The following HGSNAT variants were observed in gnomAD, a reference collection of about 807,000 sequenced individuals.
The protein encoded by HGSNAT is heparan-alpha-glucosaminide N-acetyltransferase.
Under a neutral mutation model 85.2 loss-of-function variants are expected in HGSNAT, and 59 were observed. The ratio of observed to expected loss-of-function variants is 0.69; its 90% CI spans 0.56 to 0.86. The LOEUF (loss-of-function observed/expected upper bound fraction) is 0.86, where lower values mean the gene tolerates loss of function less well. Ranked by LOEUF, HGSNAT falls within the 40% of genes least tolerant of loss-of-function variation. HGSNAT has a pLI of 0.00. For missense variants in HGSNAT, 756 were observed against 777.1 expected (o/e 0.97, Z 0.32); for synonymous variants, 321 against 304.5 (o/e 1.05, Z -0.56).
intron 13 of HGSNAT, among the ~76,000 whole-genome samples, 155 bp downstream of exon 13, chr8:43,192,585 G>A (rs934174543): frequency 6.6e-6 from 1 of 152,102 alleles, no homozygotes; most frequent in African/African-American, 2.4e-5. Context: ...ATGACTTTAG[G>A]GATCACTGTA....
intron 2 of HGSNAT, among the ~76,000 whole-genome samples, chr8:43,150,668 C>T (rs1362341085): frequency 6.6e-6 from 1 of 151,860 alleles, no homozygotes; most frequent in Admixed American, 6.6e-5. Flanking sequence ...CCTGTCTCTA[C>T]TAAAAAATAC....
intron 13 of HGSNAT, 150 bp from the exon 14 acceptor site, chr8:43,193,607 T>A: frequency 1.7e-6 from 1 of 576,802 alleles, no homozygotes; most frequent in Middle Eastern, 2.8e-4. Context: ...TTCTGCCTGT[T>A]ATCCCTATAA....
chr8:43,162,759 G>A (rs990431990), intron 5 of HGSNAT, among the ~76,000 whole-genome samples: 1 of 151,388 alleles, frequency 6.6e-6, no homozygotes, highest in Non-Finnish European at 1.5e-5. Flanking sequence ...TAGTGGAGAC[G>A]GGGTCTTGAT....
intron 2 of HGSNAT, among the ~76,000 whole-genome samples, chr8:43,155,774 T>G (rs751674886): frequency 1.1e-4 from 17 of 152,218 alleles, no homozygotes; most frequent in Non-Finnish European, 1.9e-4. Context: ...TTCATTCTTC[T>G]ACATGTAAAT....
chr8:43,151,381 G>A (rs1333742614), intron 2 of HGSNAT, among the ~76,000 whole-genome samples: 1 of 152,180 alleles, frequency 6.6e-6, no homozygotes, highest in Non-Finnish European at 1.5e-5. Flanking sequence ...GGAACCTGCC[G>A]CTGAGCTCCT....
intron 11 of HGSNAT, among the ~76,000 whole-genome samples, chr8:43,183,967 A>G (rs1804221474): frequency 6.6e-6 from 1 of 152,116 alleles, no homozygotes; most frequent in African/African-American, 2.4e-5. Flanking sequence ...ACATGAATTC[A>G]TCCTTTTTTA....
At chr8:43,167,460 A>C (rs1447774437) in intron 5 of HGSNAT, among the ~76,000 whole-genome samples, 1 of 152,198 alleles carries the variant, frequency 6.6e-6, no homozygotes, top group East Asian at 1.9e-4. Context: ...AAAAGATTAG[A>C]ACTTGCTGAA....
At chr8:43,183,040 C>T (rs911346620) in intron 11 of HGSNAT, among the ~76,000 whole-genome samples, 3 of 152,104 alleles carry the variant, frequency 2.0e-5, no homozygotes, top group African/African-American at 7.2e-5. Flanking sequence ...TATTTTGATA[C>T]CTGTGTATCA....
intron 13 of HGSNAT, among the ~76,000 whole-genome samples, chr8:43,192,769 A>G (rs1440817027): frequency 6.6e-6 from 1 of 152,114 alleles, no homozygotes; most frequent in African/African-American, 2.4e-5. Context: ...AGGAAAAAAA[A>G]AACAAAAAAC....
Position 43,147,000 on chromosome 8 carries a change from C to T in HGSNAT, c.171C>T (p.Leu57=), listed in dbSNP as rs1479549394. 1.2e-6 allele frequency: 2 copies of T among 1,609,988 alleles called. No homozygotes were observed. Among genetic ancestry groups the T allele is most frequent in the Non-Finnish European group, 1.7e-6 (2 of 1,178,752 alleles). The change falls in exon 2 of 18, where the codon CTC becomes CTT. Residue 57 remains leucine, a synonymous_variant. Coordinates refer to ENST00000379644, the MANE Select transcript of HGSNAT (RefSeq NM_152419.3). ...TGAAGATGGATCAGGCTTTGCTACT[C>T]ATCCATAATGAACTTCTCTGGACCA... ...AELKMDQALL[L]IHNELLWTNL...
chr8:43,149,060 G>A (rs1214669206), intron 2 of HGSNAT, among the ~76,000 whole-genome samples: 1 of 151,902 alleles, frequency 6.6e-6, no homozygotes, highest in East Asian at 1.9e-4. Flanking sequence ...AGGTGGCAGT[G>A]AGCTGAGATC....
At chr8:43,144,488 C>T (rs188145646) in intron 1 of HGSNAT, among the ~76,000 whole-genome samples, 149 of 152,142 alleles carry the variant, frequency 9.8e-4, no homozygotes, top group Non-Finnish European at 1.9e-3. Flanking sequence ...GATTTCCCAA[C>T]GGTTTCATGA....
chr8:43,177,992 T>C, intron 9 of HGSNAT, 82 bp from the exon 10 acceptor site: 1 of 1,110,838 alleles, frequency 9.0e-7, no homozygotes, highest in South Asian at 1.3e-5. Flanking sequence ...TGCTTCTCTT[T>C]TATAGCATAT....
chr8:43,147,570 A>G (rs1802757597), intron 2 of HGSNAT, among the ~76,000 whole-genome samples: 1 of 152,210 alleles, frequency 6.6e-6, no homozygotes, highest in South Asian at 2.1e-4. Context: ...ATGCAACCAT[A>G]AAAAAAGAAT....
chr8:43,183,040 C>A (rs911346620), intron 11 of HGSNAT, among the ~76,000 whole-genome samples: 1 of 152,104 alleles, frequency 6.6e-6, no homozygotes. Flanking sequence ...TATTTTGATA[C>A]CTGTGTATCA....
At chr8:43,146,622 A>T (rs920926617) in intron 1 of HGSNAT, among the ~76,000 whole-genome samples, 1 of 152,186 alleles carries the variant, frequency 6.6e-6, no homozygotes, top group African/African-American at 2.4e-5. Context: ...ACATCTTAGC[A>T]CTCGATGAAT....
chr8:43,179,645 A>G (rs868388765), intron 10 of HGSNAT, among the ~76,000 whole-genome samples: 227 of 9,088 alleles, frequency 0.025, 1 homozygote, highest in Admixed American at 0.039. Context: ...GGACGGGGCG[A>G]CTGGCCAGGC....
At chr8:43,196,693 GC>G in intron 14 of HGSNAT, 1 of 593,564 alleles carries the variant, frequency 1.7e-6, no homozygotes, top group Non-Finnish European at 2.9e-6. Context: ...TGGTGCTCTG[GC>G]CTCACCTCTG....
chr8:43,181,876 T>A (rs1375110509), intron 10 of HGSNAT: 1 of 473,920 alleles, frequency 2.1e-6, no homozygotes, highest in African/African-American at 1.9e-5. Context: ...TTGGTTCTTA[T>A]CCCAGTCTCT....
Sources: allele counts gnomAD v4.1 joint callset (sites outside exome capture counted in the v4.1 genomes callset), GRCh38; gene constraint gnomAD v4.1.1; transcripts MANE v1.5; gene names NCBI Gene and HGNC (gene_info 2026-07-23, HGNC 2026-07-21).